Variants in POLR3B observed in about 807,000 individuals in gnomAD.
POLR3B encodes RNA polymerase III subunit B.
In POLR3B, 96 loss-of-function variants were observed where a neutral mutation model predicts 147.4. The ratio of observed to expected loss-of-function variants is 0.65; its 90% CI spans 0.55 to 0.77. The LOEUF (loss-of-function observed/expected upper bound fraction) is 0.77. Among genes scored for constraint, POLR3B ranks in the 30% least tolerant of loss-of-function variants. The probability of loss-of-function intolerance (pLI) is 0.00; values close to 1 mark genes in which losing one functional copy is unlikely to be tolerated. For synonymous variants in POLR3B, 461 were observed against 485.9 expected (o/e 0.95, Z 0.67); for missense variants, 1,036 against 1,413.5 (o/e 0.73, Z 4.28).
In POLR3B at chr12:106,373,031, T is replaced by C. The variant is rs548907876; in HGVS notation, c.405-3328T>C. Among the ~76,000 whole-genome samples, 11 of 152,352 alleles carry C rather than the reference T, an allele frequency of 7.2e-5. No homozygotes were observed. In the South Asian group the frequency reaches 2.1e-3, roughly 29 times the overall value. On this transcript the variant is annotated intron_variant, in intron 6 of 27. Coordinates refer to ENST00000228347, the MANE Select transcript of POLR3B (RefSeq NM_018082.6). The stretch of plus-strand genomic sequence containing the variant: ...TGTAGAGACCTGTTTCTATAAATGT[T>C]TCATGTTTATTTGGAAACAAGAGGT...
At chr12:106,493,562 T>G (rs999143926) in intron 23 of POLR3B, among the ~76,000 whole-genome samples, 8 of 152,230 alleles carry the variant, frequency 5.3e-5, no homozygotes, top group African/African-American at 1.9e-4. Context: ...CATTATGGTC[T>G]CTTTGTGTTA....
intron 10 of POLR3B, among the ~76,000 whole-genome samples, chr12:106,401,626 A>G (rs7298462): frequency 0.34 from 50,830 of 151,560 alleles, 11,297 homozygotes; most frequent in African/African-American, 0.64. Flanking sequence ...GATCAAGTGG[A>G]CTTCATCCCT....
chr12:106,405,795 G>T, intron 10 of POLR3B, 62 bp from the exon 11 acceptor site: 1 of 1,543,200 alleles, frequency 6.5e-7, no homozygotes, highest in Non-Finnish European at 8.9e-7. Flanking sequence ...CATGTGGTTA[G>T]GTGCTTGCTA....
intron 22 of POLR3B, among the ~76,000 whole-genome samples, chr12:106,462,060 C>A (rs12306924): frequency 4.5e-4 from 68 of 152,204 alleles, no homozygotes; most frequent in African/African-American, 1.6e-3. Context: ...CACAACCTGA[C>A]TCCTTTCCTT....
chr12:106,478,469 C>T (rs955051286), intron 23 of POLR3B, among the ~76,000 whole-genome samples: 1 of 152,008 alleles, frequency 6.6e-6, no homozygotes, highest in Admixed American at 6.5e-5. Flanking sequence ...CTGGGTCTAG[C>T]TGACCTTTCC....
At chr12:106,474,641 G>A (rs2038139174) in intron 23 of POLR3B, among the ~76,000 whole-genome samples, 1 of 146,964 alleles carries the variant, frequency 6.8e-6, no homozygotes, top group South Asian at 2.2e-4. Flanking sequence ...AGATTTTCTA[G>A]TTTATTTGCG....
At chr12:106,463,697 C>A in intron 23 of POLR3B, 77 bp downstream of exon 23, 1 of 1,260,064 alleles carries the variant, frequency 7.9e-7, no homozygotes, top group East Asian at 2.5e-5. Context: ...TAAAATTCCC[C>A]CATTTAAAAA....
At chr12:106,375,125 T>C (rs2036660580) in intron 6 of POLR3B, among the ~76,000 whole-genome samples, 1 of 152,242 alleles carries the variant, frequency 6.6e-6, no homozygotes, top group African/African-American at 2.4e-5. Flanking sequence ...TTATTTTCTC[T>C]TCAAGCACAT....
chr12:106,427,299 G>T lies in POLR3B; in HGVS notation c.1204G>T (p.Val402Phe). 2 of 1,612,656 alleles carry T rather than the reference G, an allele frequency of 1.2e-6. No individual in the cohort carries two copies. The highest frequency in any genetic ancestry group is 1.7e-6 in the Non-Finnish European group (2 of 1,179,276). Residue 402 changes from valine (V) to phenylalanine (F), a missense_variant, in exon 13 of 28, where the codon GTT becomes TTT. By Grantham distance (50) the Val-to-Phe change is conservative. This residue lies in a region of POLR3B where 89 missense variants were observed against 110.9 expected (regional missense o/e 0.80). Transcript: ENST00000228347. ...IPKQRAAQFD[V>F]VKHMRQDQIT... The stretch of plus-strand genomic sequence containing the variant: ...TAAGCAAAGAGCAGCCCAGTTTGAT[G>T]TTGTCAAACACATGCGCCAAGACCA...
intron 19 of POLR3B, among the ~76,000 whole-genome samples, chr12:106,454,098 C>T (rs943707864): frequency 6.6e-6 from 1 of 151,948 alleles, no homozygotes; most frequent in Admixed American, 6.6e-5. Context: ...CCTGTTTATC[C>T]ATTTTATAAG....
At chr12:106,501,301 CA>C (rs1373927725) in intron 25 of POLR3B, 21 bp from the exon 26 acceptor site, 1 of 1,503,858 alleles carries the variant, frequency 6.6e-7, no homozygotes, top group Non-Finnish European at 9.3e-7. Flanking sequence ...TCTTAACCCA[CA>C]ACAATTGATC....
intron 23 of POLR3B, among the ~76,000 whole-genome samples, chr12:106,471,625 G>GAATTC (rs1349443235): frequency 1.3e-5 from 2 of 152,016 alleles, no homozygotes; most frequent in African/African-American, 4.8e-5. Context: ...TAAACTTCTT[G>GAATTC]AAGGCAGAGA....
At chr12:106,431,523 C>T (rs549960984) in intron 14 of POLR3B, among the ~76,000 whole-genome samples, 1 of 152,180 alleles carries the variant, frequency 6.6e-6, no homozygotes, top group East Asian at 1.9e-4. Context: ...TAGAACTGTA[C>T]CGGGTTGCAT....
At chr12:106,468,812 T>G (rs1048503372) in intron 23 of POLR3B, among the ~76,000 whole-genome samples, 1 of 152,204 alleles carries the variant, frequency 6.6e-6, no homozygotes, top group Non-Finnish European at 1.5e-5. Context: ...AGAGACAGTT[T>G]GTTGTGATTT....
intron 25 of POLR3B, among the ~76,000 whole-genome samples, chr12:106,498,306 G>A (rs1420657316): frequency 6.6e-6 from 1 of 152,170 alleles, no homozygotes; most frequent in Non-Finnish European, 1.5e-5. Flanking sequence ...AGGCAGTACC[G>A]GCAGCCCGAG....
chr12:106,435,568 C>G (rs1333872871), intron 16 of POLR3B, among the ~76,000 whole-genome samples: 2 of 152,108 alleles, frequency 1.3e-5, no homozygotes, highest in Admixed American at 1.3e-4. Context: ...TCCTAACTTC[C>G]CACTTACTGA....
chr12:106,502,708 C>T (rs981009731), intron 26 of POLR3B, among the ~76,000 whole-genome samples: 9 of 152,086 alleles, frequency 5.9e-5, no homozygotes, highest in African/African-American at 1.7e-4. Flanking sequence ...AAATGATAGA[C>T]ATATGTGTGC....
intron 24 of POLR3B, 90 bp downstream of exon 24, chr12:106,496,248 T>C (rs2038483450): frequency 1.1e-5 from 9 of 849,462 alleles, no homozygotes; most frequent in Non-Finnish European, 1.6e-5. Flanking sequence ...TGACGAGGAC[T>C]CTGAAGCTGT....
At chr12:106,358,434 C>T (rs1247085983) in intron 1 of POLR3B, among the ~76,000 whole-genome samples, 1 of 152,170 alleles carries the variant, frequency 6.6e-6, no homozygotes, top group African/African-American at 2.4e-5. Flanking sequence ...GAATTTTAAA[C>T]GCCCTCAATA....
Sources: gnomAD v4.1 joint callset for allele counts (sites outside exome capture counted in the v4.1 genomes callset) on GRCh38, gnomAD v4.1.1 for gene constraint, gnomAD v4.1.1 regional missense constraint, MANE v1.5 for transcripts, NCBI Gene and HGNC (gene_info 2026-07-23, HGNC 2026-07-21) for gene names.